The following PDE4B variants were observed in gnomAD, a reference collection of about 807,000 sequenced individuals.
The protein encoded by PDE4B is 3',5'-cyclic-AMP phosphodiesterase 4B.
A neutral mutation model predicts 82.2 loss-of-function variants in PDE4B; 20 were observed. The observed-to-expected ratio is 0.24, with a 90% CI of 0.17 to 0.35. The LOEUF is 0.35. Among genes scored for constraint, PDE4B ranks in the 10% least tolerant of loss-of-function variants. The pLI is 1.00. For synonymous variants in PDE4B, 320 were observed against 318.9 expected (o/e 1.00, Z -0.04); for missense variants, 655 against 907.2 (o/e 0.72, Z 3.57).
chr1:66,288,500 T>C (rs948017947), intron 7 of PDE4B, among the ~76,000 whole-genome samples: 1 of 152,186 alleles, frequency 6.6e-6, no homozygotes, highest in African/African-American at 2.4e-5. Context: ...TAGTGTGTTC[T>C]ATGAAAATAG....
intron 1 of PDE4B, among the ~76,000 whole-genome samples, chr1:65,867,781 A>T (rs1646528057): frequency 6.6e-6 from 1 of 152,216 alleles, no homozygotes; most frequent in Non-Finnish European, 1.5e-5. Context: ...CCAAACAGAG[A>T]TACACACTTC....
chr1:66,136,509 A>G (rs1398625059), intron 3 of PDE4B, among the ~76,000 whole-genome samples: 2 of 151,954 alleles, frequency 1.3e-5, no homozygotes, highest in Non-Finnish European at 2.9e-5. Context: ...CAGGAGTTTG[A>G]GATCAGCCTG....
chr1:66,298,327 T>G (rs1336473731), intron 7 of PDE4B, among the ~76,000 whole-genome samples: 1 of 152,128 alleles, frequency 6.6e-6, no homozygotes, highest in Non-Finnish European at 1.5e-5. Flanking sequence ...GAAGCTTGCC[T>G]GACTACCTAA....
intron 7 of PDE4B, among the ~76,000 whole-genome samples, chr1:66,286,725 C>T (rs529645301): frequency 6.6e-6 from 1 of 152,202 alleles, no homozygotes; most frequent in Non-Finnish European, 1.5e-5. Flanking sequence ...TTCTGGAGGG[C>T]CTGGTAGCAA....
At chr1:66,178,801 A>G (rs569424082) in intron 3 of PDE4B, among the ~76,000 whole-genome samples, 1 of 152,298 alleles carries the variant, frequency 6.6e-6, no homozygotes, top group South Asian at 2.1e-4. Flanking sequence ...CATGCTCAAT[A>G]TCTAGTCTAT....
At chr1:65,839,354 T>A (rs1646181089) in intron 1 of PDE4B, among the ~76,000 whole-genome samples, 1 of 152,042 alleles carries the variant, frequency 6.6e-6, no homozygotes, top group South Asian at 2.1e-4. Flanking sequence ...TGTGCCATGG[T>A]GGTTTGCTGC....
At chr1:66,352,052 A>G (rs1661872372) in intron 8 of PDE4B, among the ~76,000 whole-genome samples, 2 of 152,080 alleles carry the variant, frequency 1.3e-5, no homozygotes, top group African/African-American at 4.8e-5. Context: ...TGGGCCCTTC[A>G]TAAGTGCTTT....
At position 65,937,187 on chromosome 1, in the gene PDE4B, T is replaced by G. The variant is rs1487461427; in HGVS notation, c.281+18352T>G. Among the ~76,000 whole-genome samples the G allele has an allele frequency of 4.2e-4, 64 of 152,246 alleles. 1 individual carries two copies. ...TTCTGTAAATGTTTCAGTTGGAACA[T>G]GTTGATTCTGTTTGAGCATCTATTA... On this transcript the variant is annotated intron_variant, in intron 3 of 16. Transcript: ENST00000341517.
rs113377353 is a variant in PDE4B at position 65,956,193 on chromosome 1, T to C, written c.281+37358T>C. On this transcript the variant is annotated intron_variant, in intron 3 of 16. Coordinates refer to ENST00000341517, the MANE Select transcript of PDE4B (RefSeq NM_002600.4). ...TGAGGCTCTGAGAGAGCTGGTATAA[T>C]TGCCAAAGTTGCAGTCTTACTACTG... Among the ~76,000 whole-genome samples, 145 of 152,226 alleles carry C rather than the reference T, an allele frequency of 9.5e-4. 1 individual carries two copies. Among genetic ancestry groups the C allele is most frequent in the Non-Finnish European group, 1.6e-3 (107 of 67,998 alleles).
At chr1:66,126,591 C>T (rs1263903887) in intron 3 of PDE4B, among the ~76,000 whole-genome samples, 2 of 152,108 alleles carry the variant, frequency 1.3e-5, no homozygotes, top group Non-Finnish European at 1.5e-5. Flanking sequence ...GTCCTTAAAG[C>T]TTCTCCTTTT....
Position 65,793,014 on chromosome 1 carries a change from CG to C in PDE4B, c.-301del, listed in dbSNP as rs945906387. Among the ~76,000 whole-genome samples, 2 of 151,822 alleles carry C rather than the reference CG, an allele frequency of 1.3e-5. No homozygotes were observed. The highest frequency in any genetic ancestry group is 4.8e-5 in the African/African-American group (2 of 41,400). ...CGCCCCCGGCCCGCGCGCCCCTTCCCGGGGCTCCTGGCCTCGCCTCAGCGGC... is the reference window on the plus strand; with the variant it reads ...CGCCCCCGGCCCGCGCGCCCCTTCCCGGGCTCCTGGCCTCGCCTCAGCGGC... On this transcript the variant is annotated 5_prime_UTR_variant, in exon 1 of 17. Coordinates refer to ENST00000341517, the MANE Select transcript of PDE4B (RefSeq NM_002600.4).
chr1:65,996,591 G>A (rs1651555472), intron 3 of PDE4B, among the ~76,000 whole-genome samples: 1 of 151,942 alleles, frequency 6.6e-6, no homozygotes, highest in Admixed American at 6.6e-5. Context: ...AGTTTCATTT[G>A]GAATATAAGT....
chr1:66,131,601 A>ATATATG (rs1172662856), intron 3 of PDE4B, among the ~76,000 whole-genome samples: 41 of 69,528 alleles, frequency 5.9e-4, no homozygotes, highest in Admixed American at 1.3e-3. Context: ...AGATATATAT[A>ATATATG]TATATATATA....
At chr1:66,094,232 T>C (rs1334848945) in intron 3 of PDE4B, among the ~76,000 whole-genome samples, 3 of 151,992 alleles carry the variant, frequency 2.0e-5, no homozygotes, top group Non-Finnish European at 4.4e-5. Context: ...TACTGAGACA[T>C]ACAGCATGCT....
Position 66,144,287 on chromosome 1 carries a change from G to T in PDE4B, c.282-103173G>T, listed in dbSNP as rs1479987580. Among the ~76,000 whole-genome samples, 4 of 152,126 alleles carry T rather than the reference G, an allele frequency of 2.6e-5. No individual in the cohort carries two copies. In the South Asian group the frequency reaches 6.2e-4, roughly 24 times the overall value. On this transcript the variant is annotated intron_variant, in intron 3 of 16. Transcript: ENST00000341517. ...TTTATTTATTGTGCCACTGTTATGT[G>T]TCAGACATTTTACTGGATGCCAGGG...
At chr1:65,839,519 G>C (rs891038211) in intron 1 of PDE4B, among the ~76,000 whole-genome samples, 5 of 152,082 alleles carry the variant, frequency 3.3e-5, no homozygotes, top group Non-Finnish European at 5.9e-5. Flanking sequence ...AACATGCAGT[G>C]TTTGGTTCTC....
chr1:66,362,560 C>A (rs917222099), intron 10 of PDE4B, among the ~76,000 whole-genome samples: 4 of 152,164 alleles, frequency 2.6e-5, no homozygotes, highest in Non-Finnish European at 1.5e-5. Context: ...ATAAATTGGT[C>A]CTTAAATCAG....
intron 3 of PDE4B, among the ~76,000 whole-genome samples, chr1:66,108,953 T>G (rs1455972500): frequency 6.6e-6 from 1 of 152,008 alleles, no homozygotes; most frequent in Admixed American, 6.6e-5. Flanking sequence ...AGAAAGTCTG[T>G]TCCCACACCA....
At chr1:66,215,524 C>T (rs1650381271) in intron 3 of PDE4B, among the ~76,000 whole-genome samples, 1 of 152,124 alleles carries the variant, frequency 6.6e-6, no homozygotes, top group Admixed American at 6.6e-5. Context: ...GAGTTGTAAG[C>T]TGGCCATGTT....
Sources: allele counts gnomAD v4.1 joint callset (sites outside exome capture counted in the v4.1 genomes callset), GRCh38; gene constraint gnomAD v4.1.1; transcripts MANE v1.5; gene names NCBI Gene and HGNC (gene_info 2026-07-23, HGNC 2026-07-21).